Variants in TLK2 observed in about 807,000 individuals in gnomAD.
TLK2 encodes the protein serine/threonine-protein kinase tousled-like 2.
Under a neutral mutation model 117.3 loss-of-function variants are expected in TLK2, and 6 were observed. The observed-to-expected ratio is 0.05, with a 90% CI of 0.03 to 0.10. TLK2 has a LOEUF of 0.10. Among genes scored for constraint, TLK2 ranks in the 10% least tolerant of loss-of-function variants. The pLI is 1.00. For synonymous variants in TLK2, 257 were observed against 316.7 expected (o/e 0.81, Z 2.00); for missense variants, 299 against 901.2 (o/e 0.33, Z 8.56).
chr17:62,484,136 T>C (rs1484508923), intron 2 of TLK2, among the ~76,000 whole-genome samples: 2 of 151,980 alleles, frequency 1.3e-5, no homozygotes, highest in Non-Finnish European at 2.9e-5. Context: ...TAGTCGTATG[T>C]TACTTTGATA....
At chr17:62,538,714 A>G (rs1265092825) in intron 7 of TLK2, among the ~76,000 whole-genome samples, 1 of 152,244 alleles carries the variant, frequency 6.6e-6, no homozygotes, top group Non-Finnish European at 1.5e-5. Context: ...TAGTAACAAA[A>G]TGATCATGTA....
At chr17:62,501,909 A>G (rs2074230425) in intron 2 of TLK2, among the ~76,000 whole-genome samples, 1 of 152,120 alleles carries the variant, frequency 6.6e-6, no homozygotes, top group Admixed American at 6.6e-5. Context: ...TGAGGCTGGA[A>G]TGCAGTGGCA....
intron 11 of TLK2, among the ~76,000 whole-genome samples, chr17:62,568,667 C>A (rs1327828597): frequency 6.6e-6 from 1 of 151,930 alleles, no homozygotes; most frequent in African/African-American, 2.4e-5. Flanking sequence ...TCACTGCAAC[C>A]TCTGCCTCCC....
intron 2 of TLK2, among the ~76,000 whole-genome samples, chr17:62,497,033 G>C (rs1426546137): frequency 6.6e-6 from 1 of 151,800 alleles, no homozygotes; most frequent in Non-Finnish European, 1.5e-5. Flanking sequence ...CGAGGCAAGA[G>C]GACCATTGAG....
intron 14 of TLK2, 33 bp from the exon 15 acceptor site, chr17:62,580,078 T>A (rs1200035154): frequency 1.3e-6 from 2 of 1,585,256 alleles, no homozygotes; most frequent in South Asian, 1.1e-5. Context: ...TAGTCCATGA[T>A]CTCAGGGTGT....
intron 6 of TLK2, 81 bp downstream of exon 6, chr17:62,524,412 A>G: frequency 2.1e-6 from 3 of 1,421,290 alleles, no homozygotes; most frequent in Non-Finnish European, 1.9e-6. Context: ...TTTCTCTTTC[A>G]TTAATTACCC....
At chr17:62,591,605 A>G (rs990493891) in intron 16 of TLK2, among the ~76,000 whole-genome samples, 8 of 152,188 alleles carry the variant, frequency 5.3e-5, no homozygotes, top group Admixed American at 2.6e-4. Flanking sequence ...CGTAAAGATG[A>G]TGAAATGAAG....
At chr17:62,548,331 G>A (rs1397831207) in intron 7 of TLK2, among the ~76,000 whole-genome samples, 1 of 150,198 alleles carries the variant, frequency 6.7e-6, no homozygotes, top group African/African-American at 2.5e-5. Flanking sequence ...ACCCAGGCTG[G>A]AGTGCAGTGG....
chr17:62,476,109 A>T (rs1382626372), upstream of TLK2, among the ~76,000 whole-genome samples: 1 of 152,056 alleles, frequency 6.6e-6, no homozygotes, highest in Admixed American at 6.5e-5. Flanking sequence ...CCTCCCAAGT[A>T]GCTGAAAGTA....
upstream of TLK2, chr17:62,477,466 G>A (rs1163449327): frequency 6.6e-6 from 1 of 152,226 alleles, no homozygotes; most frequent in African/African-American, 2.4e-5. Context: ...CTAACAAAAA[G>A]CAAAGAGCCA....
At chr17:62,568,239 CT>C (rs2079961819) in intron 11 of TLK2, among the ~76,000 whole-genome samples, 1 of 151,968 alleles carries the variant, frequency 6.6e-6, no homozygotes, top group East Asian at 1.9e-4. Flanking sequence ...TGAGACCAGC[CT>C]GGCCAAAATG....
intron 2 of TLK2, among the ~76,000 whole-genome samples, chr17:62,489,174 C>CGTGT (rs59470331): frequency 0.64 from 89,864 of 140,620 alleles, 31,517 homozygotes; most frequent in Non-Finnish European, 0.77. Context: ...TTTAATTGTA[C>CGTGT]GTGTGTGTGT....
chr17:62,489,570 A>G (rs1244246797), intron 2 of TLK2, among the ~76,000 whole-genome samples: 1 of 151,864 alleles, frequency 6.6e-6, no homozygotes, highest in Non-Finnish European at 1.5e-5. Context: ...CAGAGTTCCT[A>G]TATACTTCCT....
chr17:62,531,133 T>A (rs2076711401), intron 6 of TLK2, among the ~76,000 whole-genome samples: 1 of 152,230 alleles, frequency 6.6e-6, no homozygotes, highest in South Asian at 2.1e-4. Context: ...GTATCTTTCA[T>A]CCGTTCTGAA....
chr17:62,560,259 G>C lies in TLK2; in HGVS notation c.831+133G>C. On this transcript the variant is annotated intron_variant, in intron 10 of 21. Transcript: ENST00000346027. ...TTTTAGGAACATGATTTGACAATTA[G>C]AATTTTTTCCTTACATGGACACCAG... 1.6e-5 allele frequency: 11 copies of C among 673,358 alleles called. No individual in the cohort carries two copies. The South Asian group carries it at 3.4e-4, about 21-fold the overall frequency. The allele number at this position is 673,358 out of a possible 1,614,324, so 41.7% of individuals were successfully genotyped here.
At chr17:62,611,243 G>A (rs1360406556) in intron 21 of TLK2, among the ~76,000 whole-genome samples, 1 of 152,156 alleles carries the variant, frequency 6.6e-6, no homozygotes, top group Non-Finnish European at 1.5e-5. Flanking sequence ...TAAAGGCCAA[G>A]GATCATTATG....
chr17:62,583,570 A>G (rs2081371198), intron 15 of TLK2, among the ~76,000 whole-genome samples: 1 of 151,434 alleles, frequency 6.6e-6, no homozygotes, highest in Admixed American at 6.6e-5. Context: ...TATTTCTTCA[A>G]ACATTTTATT....
At chr17:62,549,113 G>T (rs113436354) in intron 7 of TLK2, among the ~76,000 whole-genome samples, 6,177 of 147,766 alleles carry the variant, frequency 0.042, 136 homozygotes, top group Middle Eastern at 0.11. Context: ...ACATTGTAGG[G>T]CCGGGCGCGG....
At chr17:62,573,425 G>C (rs1426993286) in intron 12 of TLK2, 58 bp downstream of exon 12, 2 of 1,584,016 alleles carry the variant, frequency 1.3e-6, no homozygotes, top group Non-Finnish European at 1.7e-6. Context: ...AAATACAAAT[G>C]TTGATTGTCA....
Sources: gnomAD v4.1 joint callset for allele counts (sites outside exome capture counted in the v4.1 genomes callset) on GRCh38, gnomAD v4.1.1 for gene constraint, MANE v1.5 for transcripts, NCBI Gene and HGNC (gene_info 2026-07-23, HGNC 2026-07-21) for gene names.